The following C1orf74 variants were observed in gnomAD, a reference collection of about 807,000 sequenced individuals.
C1orf74 encodes UPF0739 protein C1orf74.
C1orf74 carries 5 observed loss-of-function variants against 7.3 expected under a neutral mutation model. The observed-to-expected ratio is 0.68, with a 90% CI of 0.36 to 1.44. C1orf74 has a LOEUF of 1.44. Ranked by LOEUF, C1orf74 falls within the 40% of genes most tolerant of loss-of-function variation. C1orf74 has a pLI of 0.04. For synonymous variants in C1orf74, 121 were observed against 132.5 expected (o/e 0.91, Z 0.59); for missense variants, 291 against 314.3 (o/e 0.93, Z 0.56).
At position 209,780,887 on chromosome 1, in the gene C1orf74, G is replaced by A. The variant is rs947413818; in HGVS notation, c.*1938C>T. On this transcript the variant is annotated 3_prime_UTR_variant, in exon 2 of 2. Coordinates refer to ENST00000294811, the MANE Select transcript of C1orf74 (RefSeq NM_152485.4). ...AAAAATATTAACTTCTCAATATGTC[G>A]TCCCACATTGAGTATCTTAAGTCTT... The A allele has an allele frequency of 5.2e-5, 11 of 211,708 alleles. No homozygotes were observed. The East Asian group carries it at 8.1e-4, about 16-fold the overall frequency. The allele number at this position is 211,708 out of a possible 1,614,324, so 13.1% of individuals were successfully genotyped here.
Position 209,782,818 on chromosome 1 carries a change from G to A in C1orf74, c.*7C>T. The A allele has an allele frequency of 1.2e-6, 2 of 1,612,658 alleles. No individual in the cohort carries two copies. Among genetic ancestry groups the A allele is most frequent in the Non-Finnish European group, 1.7e-6 (2 of 1,179,214 alleles). On this transcript the variant is annotated 3_prime_UTR_variant, in exon 2 of 2. Coordinates refer to ENST00000294811, the MANE Select transcript of C1orf74 (RefSeq NM_152485.4). ...TGAGTACCTTCTATATGGGAGGAGA[G>A]TTAAAGTCAGAGGGCCACAGCCGGC...
chr1:209,783,765 ATCTTCCAAAGGTTAT>A, intron 1 of C1orf74, 56 bp from the exon 2 acceptor site: 1 of 758,342 alleles, frequency 1.3e-6, no homozygotes, highest in Non-Finnish European at 2.1e-6. Context: ...AAATCGCGGT[ATCTTCCAAAGGTTAT>A]TCTGTCCCTC....
rs1284307731 is a variant in C1orf74 at position 209,781,141 on chromosome 1, T to C, written c.*1684A>G. 4 of 395,260 alleles carry C rather than the reference T, an allele frequency of 1.0e-5. No individual in the cohort carries two copies. The highest frequency in any genetic ancestry group is 4.7e-5 in the East Asian group (1 of 21,266). The allele number at this position is 395,260 out of a possible 1,614,324, so 24.5% of individuals were successfully genotyped here. ...ATGTATAAAATGTAATACTATAATA[T>C]GCATTACTGTCAATCATTTAAATGA... is the stretch of plus-strand genomic sequence containing the variant. On this transcript the variant is annotated 3_prime_UTR_variant, in exon 2 of 2. Transcript: ENST00000294811.
In C1orf74 at chr1:209,782,845, G is replaced by T; in HGVS notation, c.790C>A (p.Leu264Met). ...TAAAGTCAGAGGGCCACAGCCGGCA[G>T]TGTGACTATCTCAGAGGAGATGCTG... ...DLSISSEIVT[L>M]PAVAL The change falls in exon 2 of 2, where the codon CTG (leucine) becomes ATG (methionine). Residue 264 changes from leucine (L) to methionine (M), a missense_variant. Leu to Met is a conservative substitution (Grantham distance 15). Coordinates refer to ENST00000294811, the MANE Select transcript of C1orf74 (RefSeq NM_152485.4). The T allele has an allele frequency of 6.2e-7, 1 of 1,613,828 alleles. No homozygotes were observed. The highest frequency in any genetic ancestry group is 8.5e-7 in the Non-Finnish European group (1 of 1,179,908).
chr1:209,784,297 G>A (rs1032611456), intron 1 of C1orf74, 81 bp downstream of exon 1: 2 of 152,310 alleles, frequency 1.3e-5, no homozygotes, highest in African/African-American at 4.8e-5. Flanking sequence ...CTCGGAAGAT[G>A]AGATTTCTCC....
At position 209,779,625 on chromosome 1, in the gene C1orf74, G is replaced by A. The variant is rs2102518993; in HGVS notation, c.*3200C>T. The A allele has an allele frequency of 4.9e-6, 3 of 614,452 alleles. No individual in the cohort carries two copies. In the East Asian group the frequency reaches 8.3e-5, roughly 17 times the overall value. The allele number at this position is 614,452 out of a possible 1,614,324, so 38.1% of individuals were successfully genotyped here. A position where few individuals can be genotyped will look rare whatever the true frequency, so the allele number is the denominator to read the frequency against. Reference sequence around the variant, plus strand: ...CTCTCTGAAAGCACATGTCTGTGTTGAACATTTCAATAAATTTATTTTGAA... The same window carrying A: ...CTCTCTGAAAGCACATGTCTGTGTTAAACATTTCAATAAATTTATTTTGAA... On this transcript the variant is annotated 3_prime_UTR_variant, in exon 2 of 2. Transcript: ENST00000294811.
chr1:209,782,034 C>CT lies in C1orf74; in HGVS notation c.*790dup. ...CCAATCCACTCATGGCCACTTTCTT[C>CT]TGTCTCCCTGTCCCCCTACAGAGGC... On this transcript the variant is annotated 3_prime_UTR_variant, in exon 2 of 2. Transcript: ENST00000294811. The CT allele has an allele frequency of 6.2e-7, 1 of 1,603,394 alleles. No homozygotes were observed. The highest frequency in any genetic ancestry group is 1.1e-5 in the South Asian group (1 of 90,858).
Position 209,781,627 on chromosome 1 carries a change from G to C in C1orf74, c.*1198C>G. 1.9e-6 allele frequency: 1 copy of C among 531,188 alleles called. No individual in the cohort carries two copies. Among genetic ancestry groups the C allele is most frequent in the South Asian group, 2.3e-5 (1 of 43,704 alleles). 32.9% of individuals were successfully genotyped at this position (531,188 alleles called of 1,614,324 possible). A position where few individuals can be genotyped will look rare whatever the true frequency, so the allele number is the denominator to read the frequency against. On this transcript the variant is annotated 3_prime_UTR_variant, in exon 2 of 2. Coordinates refer to ENST00000294811, the MANE Select transcript of C1orf74 (RefSeq NM_152485.4). ...ATGGCAACCATTGAAAAAAACACTGGCTCGTCCATCAAAGCCCAACTTTCA... is the reference window on the plus strand; with the variant it reads ...ATGGCAACCATTGAAAAAAACACTGCCTCGTCCATCAAAGCCCAACTTTCA...
rs564576194 is a variant in C1orf74 at position 209,781,506 on chromosome 1, C to T, written c.*1319G>A. 2 of 1,371,696 alleles carry T rather than the reference C, an allele frequency of 1.5e-6. No individual in the cohort carries two copies. The highest frequency in any genetic ancestry group is 1.7e-5 in the Admixed American group (1 of 58,442). 85.0% of individuals were successfully genotyped at this position (1,371,696 alleles called of 1,614,324 possible). On this transcript the variant is annotated 3_prime_UTR_variant, in exon 2 of 2. Coordinates refer to ENST00000294811, the MANE Select transcript of C1orf74 (RefSeq NM_152485.4). ...TAAAGCCCTGGATGATGGGACGATT[C>T]CTTCTTTAACCAAGTTTTGCACATA... is the stretch of plus-strand genomic sequence containing the variant.
Position 209,782,792 on chromosome 1 carries a change from C to T in C1orf74, c.*33G>A. ...TCCCCAACCTAGAGATGATCATTTA[C>T]TGAGTACCTTCTATATGGGAGGAGA... On this transcript the variant is annotated 3_prime_UTR_variant, in exon 2 of 2. Coordinates refer to ENST00000294811, the MANE Select transcript of C1orf74 (RefSeq NM_152485.4). 6.3e-7 allele frequency: 1 copy of T among 1,592,968 alleles called. No homozygotes were observed. Among genetic ancestry groups the T allele is most frequent in the African/African-American group, 1.3e-5 (1 of 74,530 alleles).
Position 209,783,593 on chromosome 1 carries a change from C to T in C1orf74, c.42G>A (p.Leu14=). ...GGGTCTGCTGAGCAGCTGCCACCAG[C>T]AGCTGAGGGCTCGGTGATGACATGA... ...LDLMSSPSPQ[L]LVAAAQQTLG... is the part of the protein sequence containing the mutation. Residue 14 remains leucine, a synonymous_variant, in exon 2 of 2, where the codon CTG becomes CTA. Coordinates refer to ENST00000294811, the MANE Select transcript of C1orf74 (RefSeq NM_152485.4). The T allele has an allele frequency of 6.2e-7, 1 of 1,609,474 alleles. No homozygotes were observed. Among genetic ancestry groups the T allele is most frequent in the Admixed American group, 1.7e-5 (1 of 58,980 alleles).
In C1orf74 at chr1:209,780,726, T is replaced by C. The variant is rs1292719935; in HGVS notation, c.*2099A>G. On this transcript the variant is annotated 3_prime_UTR_variant, in exon 2 of 2. Transcript: ENST00000294811. The stretch of plus-strand genomic sequence containing the variant: ...GTGAGTGGATAACCACAGACATTCA[T>C]TTGCCTACATAAAGTGTCTGTGCTT... The C allele has an allele frequency of 2.1e-6, 2 of 951,456 alleles. No homozygotes were observed. The highest frequency in any genetic ancestry group is 1.7e-5 in the African/African-American group (1 of 58,782). The allele number at this position is 951,456 out of a possible 1,614,324, so 58.9% of individuals were successfully genotyped here.
rs1214998778 is a variant in C1orf74, at chr1:209,783,429, T to C, written c.206A>G (p.Tyr69Cys). 29 of 1,614,130 alleles carry C rather than the reference T, an allele frequency of 1.8e-5. No individual in the cohort carries two copies. Among genetic ancestry groups the C allele is most frequent in the Non-Finnish European group, 2.5e-5 (29 of 1,179,986 alleles). The change falls in exon 2 of 2, where the codon TAT becomes TGT. Residue 69 changes from tyrosine (Y) to cysteine (C), a missense_variant. Transcript: ENST00000294811. The stretch of plus-strand genomic sequence containing the variant: ...GCCAAGCCCCTTCAGCTCCTCCAGA[T>C]AGCTCTGGAGCTCTGATGCCCCTGC... ...NCAGASELQS[Y>C]LEELKGLGFL...
Position 209,779,386 on chromosome 1 carries a change from T to C in C1orf74, c.*3439A>G. The C allele has an allele frequency of 6.2e-7, 1 of 1,610,454 alleles. No homozygotes were observed. The highest frequency in any genetic ancestry group is 8.5e-7 in the Non-Finnish European group (1 of 1,176,620). On this transcript the variant is annotated 3_prime_UTR_variant, in exon 2 of 2. Transcript: ENST00000294811. ...CTTAACAAAGAAAGGTCAGCAAATT[T>C]ATTACCACAAATTCTAAGATATTGC...
chr1:209,783,270 C>T lies in C1orf74; in HGVS notation c.365G>A (p.Arg122His), dbSNP rs568157466. The change falls in exon 2 of 2, where the codon CGT (arginine) becomes CAT (histidine). Residue 122 changes from arginine to histidine, a missense_variant. Physicochemically the swap from Arg to His is conservative, Grantham distance 29 (BLOSUM62 0). Transcript: ENST00000294811. Reference protein sequence around the residue: ...IAFVDVSSCQRHPSVCSLDQL... With the variant: ...IAFVDVSSCQHHPSVCSLDQL... ...GTCCAGGGAGCAGACAGAAGGGTGA[C>T]GCTGGCAGCTGGAAACATCCACAAA... 44 of 1,614,156 alleles carry T rather than the reference C, an allele frequency of 2.7e-5. No homozygotes were observed. In the South Asian group the frequency reaches 4.3e-4, roughly 16 times the overall value.
In C1orf74 at chr1:209,782,530, C is replaced by A; in HGVS notation, c.*295G>T. On this transcript the variant is annotated 3_prime_UTR_variant, in exon 2 of 2. Coordinates refer to ENST00000294811, the MANE Select transcript of C1orf74 (RefSeq NM_152485.4). ...GAGTGTTTGGCTTGTCTTCCATCAC[C>A]CTGCTTTTCCTCTATCATCTCCTTC... 6.2e-6 allele frequency: 3 copies of A among 486,834 alleles called. No individual in the cohort carries two copies. The highest frequency in any genetic ancestry group is 4.8e-5 in the South Asian group (2 of 41,358). 30.2% of individuals were successfully genotyped at this position (486,834 alleles called of 1,614,324 possible).
chr1:209,779,867 A>T lies in C1orf74; in HGVS notation c.*2958T>A. 4.5e-6 allele frequency: 1 copy of T among 219,950 alleles called. No individual in the cohort carries two copies. The highest frequency in any genetic ancestry group is 1.1e-4 in the East Asian group (1 of 8,892). The allele number at this position is 219,950 out of a possible 1,614,324, so 13.6% of individuals were successfully genotyped here. On this transcript the variant is annotated 3_prime_UTR_variant, in exon 2 of 2. Coordinates refer to ENST00000294811, the MANE Select transcript of C1orf74 (RefSeq NM_152485.4). ...TGTTTTCTCTTCACAATCATTGGGC[A>T]TAATATAATAGATAAGGCAGAAATT...
Position 209,780,389 on chromosome 1 carries a change from C to A in C1orf74, c.*2436G>T. On this transcript the variant is annotated 3_prime_UTR_variant, in exon 2 of 2. Transcript: ENST00000294811. ...CCTCCCAAGTTCCCTCCCCTCTCCC[C>A]ACTCCTAGTGGTTTCACCCTCAGGG... 2.3e-6 allele frequency: 3 copies of A among 1,326,504 alleles called. No homozygotes were observed. Among genetic ancestry groups the A allele is most frequent in the Admixed American group, 5.7e-5 (2 of 35,334 alleles). The allele number at this position is 1,326,504 out of a possible 1,614,324, so 82.2% of individuals were successfully genotyped here.
Position 209,783,524 on chromosome 1 carries a change from A to C in C1orf74, c.111T>G (p.Leu37=). The C allele has an allele frequency of 1.2e-6, 2 of 1,614,132 alleles. No individual in the cohort carries two copies. Among genetic ancestry groups the C allele is most frequent in the Non-Finnish European group, 1.7e-6 (2 of 1,180,020 alleles). Reference sequence around the variant, plus strand: ...CAGCCAGCACCTCTCCAGCTAAGTGAAGGCAGATGGCTTGGGGTGGACTCC... The same window carrying C: ...CAGCCAGCACCTCTCCAGCTAAGTGCAGGCAGATGGCTTGGGGTGGACTCC... ...KRRSPPQAIC[L]HLAGEVLAVA... The change falls in exon 2 of 2, where the codon CTT becomes CTG. Residue 37 remains leucine, a synonymous_variant. Coordinates refer to ENST00000294811, the MANE Select transcript of C1orf74 (RefSeq NM_152485.4).
Sources: allele counts gnomAD v4.1 joint callset, GRCh38; gene constraint gnomAD v4.1.1; transcripts MANE v1.5; gene names NCBI Gene and HGNC (gene_info 2026-07-23, HGNC 2026-07-21).